Variants in DSCAML1 observed in about 807,000 individuals in gnomAD.
DSCAML1 encodes the protein cell adhesion molecule DSCAML1.
A neutral mutation model predicts 200.5 loss-of-function variants in DSCAML1; 38 were observed. The observed-to-expected ratio is 0.19, with a 90% confidence interval of 0.15 to 0.25. The LOEUF is 0.25. Among genes scored for constraint, DSCAML1 ranks in the 10% least tolerant of loss-of-function variants. The pLI is 1.00. For missense variants in DSCAML1, 2,223 were observed against 2,858.8 expected (o/e 0.78, Z 5.07); for synonymous variants, 1,215 against 1,165.0 (o/e 1.04, Z -0.87).
chr11:117,701,339 C>T (rs985293264), intron 3 of DSCAML1, among the ~76,000 whole-genome samples: 9 of 152,262 alleles, frequency 5.9e-5, no homozygotes, highest in Middle Eastern at 3.4e-3. Flanking sequence ...GGGAGGCTCG[C>T]GCTTTGCTGA....
chr11:117,669,567 G>A (rs1413910320), intron 3 of DSCAML1, among the ~76,000 whole-genome samples: 1 of 152,232 alleles, frequency 6.6e-6, no homozygotes, highest in Non-Finnish European at 1.5e-5. Context: ...CCCTAGTGCT[G>A]ATGGGGCTGA....
intron 3 of DSCAML1, among the ~76,000 whole-genome samples, chr11:117,754,744 G>A (rs1177095064): frequency 6.6e-6 from 1 of 152,162 alleles, no homozygotes; most frequent in Non-Finnish European, 1.5e-5. Context: ...CTGGAGGGAA[G>A]TTGCTGGGAC....
intron 18 of DSCAML1, among the ~76,000 whole-genome samples, chr11:117,459,763 C>T (rs930025153): frequency 2.0e-5 from 3 of 152,254 alleles, no homozygotes; most frequent in African/African-American, 7.2e-5. Flanking sequence ...GGTCCAGCAA[C>T]GGGCTGAGGA....
rs1565280725 is a variant in DSCAML1, at chr11:117,780,239, A to AGAAAGAAAGAAAGAAG, written c.364+253_364+254insCTTCTTTCTTTCTTTC. On this transcript the variant is annotated intron_variant, in intron 2 of 32. Transcript: ENST00000651296. The surrounding 1 kb of genome is among the most constrained non-coding windows in gnomAD (Gnocchi z 4.8). ...AGAGAGAAAGAAAGAAAGGAAAGAA[A>AGAAAGAAAGAAAGAAG]GAAAGAAAGAAAGAAAGAAAGAAAG... 2.7e-5 allele frequency among the ~76,000 whole-genome samples: 2 copies of AGAAAGAAAGAAAGAAG among 74,746 alleles called. No homozygotes were observed. The highest frequency in any genetic ancestry group is 1.0e-4 in the African/African-American group (2 of 19,316). The allele number at this position is 74,746 out of a possible 152,430, so 49.0% of individuals were successfully genotyped here. A position where few individuals can be genotyped will look rare whatever the true frequency, so the allele number is the denominator to read the frequency against.
chr11:117,685,895 C>T (rs1484194268), intron 3 of DSCAML1, among the ~76,000 whole-genome samples: 9 of 152,184 alleles, frequency 5.9e-5, no homozygotes, highest in Non-Finnish European at 1.0e-4. Flanking sequence ...CACTTAGCAC[C>T]TGCTGCATTT....
intron 3 of DSCAML1, among the ~76,000 whole-genome samples, chr11:117,620,232 G>T (rs2051899960): frequency 6.6e-6 from 1 of 152,098 alleles, no homozygotes; most frequent in Non-Finnish European, 1.5e-5. Context: ...GCTCCAGCCG[G>T]CCATGATCCA....
At chr11:117,444,151 G>T in intron 20 of DSCAML1, 112 bp from the exon 21 acceptor site, 3 of 1,258,512 alleles carry the variant, frequency 2.4e-6, no homozygotes, top group South Asian at 1.5e-5. Flanking sequence ...CGGATGCGAG[G>T]CAGGATTCTG....
At chr11:117,590,975 G>A (rs1056877881) in intron 3 of DSCAML1, among the ~76,000 whole-genome samples, 1 of 152,152 alleles carries the variant, frequency 6.6e-6, no homozygotes, top group Non-Finnish European at 1.5e-5. Context: ...ACAAAACAGG[G>A]GGAGTGATGA....
intron 3 of DSCAML1, among the ~76,000 whole-genome samples, chr11:117,695,803 C>A (rs2053579121): frequency 6.6e-6 from 1 of 152,208 alleles, no homozygotes; most frequent in Non-Finnish European, 1.5e-5. Context: ...CCAACACTTA[C>A]AGCCATGTGA....
At chr11:117,754,702 T>C (rs1022815114) in intron 3 of DSCAML1, among the ~76,000 whole-genome samples, 2 of 152,096 alleles carry the variant, frequency 1.3e-5, no homozygotes, top group African/African-American at 4.8e-5. Context: ...GGGAGTCATA[T>C]GGGGAAGGAG....
chr11:117,786,236 A>G (rs2055350166), intron 1 of DSCAML1, among the ~76,000 whole-genome samples: 1 of 152,264 alleles, frequency 6.6e-6, no homozygotes, highest in African/African-American at 2.4e-5. Context: ...TGGATTTTTA[A>G]TAGAAAATGG....
chr11:117,719,475 A>T (rs1337369216), intron 3 of DSCAML1, among the ~76,000 whole-genome samples: 1 of 152,220 alleles, frequency 6.6e-6, no homozygotes, highest in African/African-American at 2.4e-5. Context: ...AAGCAAGCTC[A>T]GAGTCAGGGT....
At chr11:117,704,790 C>G (rs893864887) in intron 3 of DSCAML1, among the ~76,000 whole-genome samples, 1 of 152,272 alleles carries the variant, frequency 6.6e-6, no homozygotes, top group East Asian at 1.9e-4. Context: ...TATATTTCCC[C>G]GTGGTACCTC....
At position 117,533,208 on chromosome 11, in the gene DSCAML1, T is replaced by C. The variant is rs548420530; in HGVS notation, c.512-686A>G. Among the ~76,000 whole-genome samples, 6 of 152,188 alleles carry C rather than the reference T, an allele frequency of 3.9e-5. No homozygotes were observed. The East Asian group carries it at 7.7e-4, about 20-fold the overall frequency. ...TAAGCCCTCACTAAGTGAATATTAG[T>C]TCTCATCTTTCCTACCTCTTTGCAA... On this transcript the variant is annotated intron_variant, in intron 3 of 32. Coordinates refer to ENST00000651296, the MANE Select transcript of DSCAML1 (RefSeq NM_020693.4).
At chr11:117,734,275 A>C (rs1475298076) in intron 3 of DSCAML1, among the ~76,000 whole-genome samples, 1 of 152,124 alleles carries the variant, frequency 6.6e-6, no homozygotes, top group African/African-American at 2.4e-5. Context: ...CCCTAGGGAG[A>C]TCTTTCTCTA....
intron 19 of DSCAML1, among the ~76,000 whole-genome samples, chr11:117,453,746 C>CTTT (rs138176049): frequency 3.6e-5 from 5 of 138,174 alleles, no homozygotes; most frequent in East Asian, 2.2e-4. Context: ...TTCTTTCTTT[C>CTTT]TTTTTTTTTT....
At chr11:117,640,730 C>T (rs994005740) in intron 3 of DSCAML1, among the ~76,000 whole-genome samples, 2 of 152,222 alleles carry the variant, frequency 1.3e-5, no homozygotes, top group African/African-American at 2.4e-5. Flanking sequence ...ATCCCAGCCC[C>T]TCACTGACCT....
At chr11:117,647,090 G>A (rs2052535631) in intron 3 of DSCAML1, among the ~76,000 whole-genome samples, 1 of 152,214 alleles carries the variant, frequency 6.6e-6, no homozygotes, top group Admixed American at 6.5e-5. Context: ...ACACAGGTGG[G>A]TTTATAACTC....
intron 16 of DSCAML1, among the ~76,000 whole-genome samples, chr11:117,465,842 G>A (rs1457488432): frequency 1.3e-5 from 2 of 152,178 alleles, no homozygotes; most frequent in East Asian, 1.9e-4. Flanking sequence ...CAGACAAAAA[G>A]TAATAAGATG....
Sources: gnomAD v4.1 joint callset for allele counts (sites outside exome capture counted in the v4.1 genomes callset) on GRCh38, gnomAD v4.1.1 for gene constraint, Gnocchi (gnomAD v3.1) non-coding constraint, MANE v1.5 for transcripts, NCBI Gene and HGNC (gene_info 2026-07-23, HGNC 2026-07-21) for gene names.